ZNF804B: variants seen among roughly 807,000 people sequenced by gnomAD.
ZNF804B encodes zinc finger protein 804B.
In ZNF804B, 80 loss-of-function variants were observed where a neutral mutation model predicts 101.4. That is an observed-to-expected ratio of 0.79 (90% CI 0.66 to 0.95). The LOEUF is 0.95. Ranked by LOEUF, ZNF804B falls within the 40% of genes least tolerant of loss-of-function variation. ZNF804B has a pLI of 0.00. For synonymous variants in ZNF804B, 622 were observed against 558.8 expected (o/e 1.11, Z -1.59); for missense variants, 1,673 against 1,561.9 (o/e 1.07, Z -1.20).
At chr7:89,072,550 A>G (rs535880751) in intron 1 of ZNF804B, among the ~76,000 whole-genome samples, 62 of 152,314 alleles carry the variant, frequency 4.1e-4, no homozygotes, top group African/African-American at 1.5e-3. Context: ...CTACTGCCTC[A>G]GAGGGACCAG....
intron 2 of ZNF804B, among the ~76,000 whole-genome samples, chr7:89,313,866 G>A (rs975615154): frequency 6.6e-6 from 1 of 151,876 alleles, no homozygotes; most frequent in African/African-American, 2.4e-5. Context: ...TTTTGATCTG[G>A]GTAGAGGTTA....
intron 1 of ZNF804B, among the ~76,000 whole-genome samples, chr7:89,171,277 ATGC>A (rs55857746): frequency 0.012 from 1,361 of 110,234 alleles, 51 homozygotes; most frequent in African/African-American, 0.032. Context: ...GGCACAAATA[ATGC>A]TGCTGCTGCT....
chr7:89,055,859 C>A (rs564750043), intron 1 of ZNF804B, among the ~76,000 whole-genome samples: 8 of 152,148 alleles, frequency 5.3e-5, no homozygotes, highest in East Asian at 1.9e-4. Context: ...CAAGTAATTT[C>A]TTGGCGCTGC....
chr7:89,114,790 G>A (rs1420473043), intron 1 of ZNF804B, among the ~76,000 whole-genome samples: 2 of 152,178 alleles, frequency 1.3e-5, no homozygotes, highest in African/African-American at 2.4e-5. Flanking sequence ...GGAGGGTTGA[G>A]CCAGTGCTGA....
chr7:89,243,113 A>G (rs1450410982), intron 2 of ZNF804B, among the ~76,000 whole-genome samples: 1 of 151,828 alleles, frequency 6.6e-6, no homozygotes, highest in Non-Finnish European at 1.5e-5. Context: ...ATCTTCTTAT[A>G]TAATCACTTG....
intron 1 of ZNF804B, among the ~76,000 whole-genome samples, chr7:89,148,677 A>G (rs1413290110): frequency 6.6e-6 from 1 of 152,098 alleles, no homozygotes; most frequent in African/African-American, 2.4e-5. Flanking sequence ...AACTTCTGCT[A>G]TTGAAATGTA....
chr7:88,764,429 G>A (rs1219611122), intron 1 of ZNF804B, among the ~76,000 whole-genome samples: 1 of 152,030 alleles, frequency 6.6e-6, no homozygotes, highest in African/African-American at 2.4e-5. Context: ...GAAAAATCAG[G>A]GTCGCTGAAT....
intron 1 of ZNF804B, among the ~76,000 whole-genome samples, chr7:89,172,425 TG>T (rs1328149708): frequency 2.0e-5 from 3 of 152,178 alleles, no homozygotes; most frequent in African/African-American, 7.2e-5. Context: ...AGAGTGATTG[TG>T]GCTATGTCGG....
At chr7:89,152,737 A>G (rs1209073303) in intron 1 of ZNF804B, among the ~76,000 whole-genome samples, 1 of 152,158 alleles carries the variant, frequency 6.6e-6, no homozygotes, top group South Asian at 2.1e-4. Context: ...TGTTGAGGCA[A>G]TGTGCCTCAA....
At chr7:88,807,342 AAAAAT>A (rs764908475) in intron 1 of ZNF804B, among the ~76,000 whole-genome samples, 17 of 152,240 alleles carry the variant, frequency 1.1e-4, no homozygotes, top group Non-Finnish European at 2.4e-4. Context: ...TTATGTTATA[AAAAAT>A]AAAATTAAAG....
chr7:88,965,032 TGAAAA>T, intron 1 of ZNF804B, among the ~76,000 whole-genome samples: 1 of 151,396 alleles, frequency 6.6e-6, no homozygotes, highest in African/African-American at 2.4e-5. Flanking sequence ...TGCCAATACT[TGAAAA>T]GAATATTGTT....
At chr7:88,765,027 A>G (rs193181506) in intron 1 of ZNF804B, among the ~76,000 whole-genome samples, 4 of 152,214 alleles carry the variant, frequency 2.6e-5, no homozygotes, top group Admixed American at 1.3e-4. Context: ...ACTGATTTCA[A>G]TAACTTTTTA....
In ZNF804B at chr7:89,024,747, A is replaced by G. The variant is rs111995416; in HGVS notation, c.109-193408A>G. 4.7e-3 allele frequency among the ~76,000 whole-genome samples: 710 copies of G among 151,142 alleles called. 6 individuals carry two copies. The highest frequency in any genetic ancestry group is 0.016 in the African/African-American group (652 of 41,162). Reference sequence around the variant, plus strand: ...GAAGTCCTGGCTGATACCACATTCCATGGACCTGTGTAGTCTATGGAGCCA... The same window carrying G: ...GAAGTCCTGGCTGATACCACATTCCGTGGACCTGTGTAGTCTATGGAGCCA... On this transcript the variant is annotated intron_variant, in intron 1 of 3. Transcript: ENST00000333190.
chr7:89,134,530 G>A (rs982423517), intron 1 of ZNF804B, among the ~76,000 whole-genome samples: 2 of 152,038 alleles, frequency 1.3e-5, no homozygotes, highest in Non-Finnish European at 2.9e-5. Flanking sequence ...TTTCAGGCAT[G>A]TGACTCCCTA....
At chr7:89,227,442 A>G (rs548684163) in intron 2 of ZNF804B, among the ~76,000 whole-genome samples, 157 of 152,344 alleles carry the variant, frequency 1.0e-3, no homozygotes, top group African/African-American at 3.7e-3. Flanking sequence ...TATGGAGTGA[A>G]CCAGACAATC....
chr7:88,808,676 A>G (rs1386394459), intron 1 of ZNF804B, among the ~76,000 whole-genome samples: 1 of 152,166 alleles, frequency 6.6e-6, no homozygotes, highest in Non-Finnish European at 1.5e-5. Context: ...ATACAATGAA[A>G]TTTTGGTCCT....
intron 1 of ZNF804B, among the ~76,000 whole-genome samples, chr7:89,016,718 C>T (rs1788568478): frequency 6.6e-6 from 1 of 152,066 alleles, no homozygotes; most frequent in African/African-American, 2.4e-5. Flanking sequence ...GGTACCAGTA[C>T]CATGCTGTTT....
At chr7:88,916,156 G>A (rs1175701242) in intron 1 of ZNF804B, among the ~76,000 whole-genome samples, 2 of 151,940 alleles carry the variant, frequency 1.3e-5, no homozygotes, top group African/African-American at 4.8e-5. Context: ...AATATAGAAG[G>A]CTACTGAATT....
chr7:89,033,835 T>C (rs916172088), intron 1 of ZNF804B, among the ~76,000 whole-genome samples: 5 of 152,086 alleles, frequency 3.3e-5, no homozygotes, highest in African/African-American at 1.2e-4. Context: ...TGAAAGGTCT[T>C]TCTGCTTTGT....
Sources: allele counts gnomAD v4.1 joint callset (sites outside exome capture counted in the v4.1 genomes callset), GRCh38; gene constraint gnomAD v4.1.1; transcripts MANE v1.5; gene names NCBI Gene and HGNC (gene_info 2026-07-23, HGNC 2026-07-21).